PLOD2: variants seen among roughly 807,000 people sequenced by gnomAD.
PLOD2 encodes lysine hydroxylase 2.
Under a neutral mutation model 101.0 loss-of-function variants are expected in PLOD2, and 65 were observed. The ratio of observed to expected loss-of-function variants is 0.64; its 90% CI spans 0.53 to 0.79. The LOEUF (loss-of-function observed/expected upper bound fraction) is 0.79. PLOD2 is among the 30% of genes least tolerant of loss of function. PLOD2 has a pLI of 0.00. For synonymous variants in PLOD2, 314 were observed against 302.9 expected, an observed-to-expected ratio of 1.04 and a Z score of -0.38; for missense variants, 909 against 914.6, an observed-to-expected ratio of 0.99 and a Z score of 0.08.
In PLOD2 at chr3:146,086,816, T is replaced by C; in HGVS notation, c.1098A>G (p.Leu366=). ...TIKIVGPEEN[L]SQAEARNMGM... ...CCATGTTTCTGGCTTCCGCTTGACT[T>C]AGATTTTCTTCTGGTCCTACTATTT... Residue 366 remains leucine (L), a synonymous_variant, in exon 10 of 20, where the codon CTA becomes CTG. Coordinates refer to ENST00000282903, the MANE Select transcript of PLOD2 (RefSeq NM_182943.3). The C allele has an allele frequency of 6.6e-7, 1 of 1,511,806 alleles. No individual in the cohort carries two copies. The highest frequency in any genetic ancestry group is 9.0e-7 in the Non-Finnish European group (1 of 1,112,422). 93.6% of individuals were successfully genotyped at this position (1,511,806 alleles called of 1,614,324 possible). A position where few individuals can be genotyped will look rare whatever the true frequency, so the allele number is the denominator to read the frequency against.
chr3:146,121,356 C>G, intron 2 of PLOD2, 108 bp from the exon 3 acceptor site: 2 of 874,432 alleles, frequency 2.3e-6, no homozygotes, highest in South Asian at 2.7e-5. Context: ...CGTAACCACT[C>G]TTCTAATGTT....
intron 7 of PLOD2, among the ~76,000 whole-genome samples, chr3:146,096,878 G>A (rs1937189289): frequency 1.4e-5 from 1 of 70,756 alleles, no homozygotes; most frequent in Admixed American, 1.2e-4. Flanking sequence ...CCGGGAGGGA[G>A]GTGGGGGGGG....
chr3:146,109,577 T>G (rs775714976), intron 4 of PLOD2, among the ~76,000 whole-genome samples: 1 of 152,224 alleles, frequency 6.6e-6, no homozygotes, highest in African/African-American at 2.4e-5. Context: ...TGTACCCAAT[T>G]TGTTTCTCTA....
At chr3:146,160,701 A>T in intron 1 of PLOD2, 180 bp downstream of exon 1, 1 of 579,778 alleles carries the variant, frequency 1.7e-6, no homozygotes, top group East Asian at 3.0e-5. Flanking sequence ...GTGCCCCTAC[A>T]CTTCCCCAGG....
chr3:146,103,259 A>G (rs997792867), intron 6 of PLOD2, among the ~76,000 whole-genome samples: 18 of 152,182 alleles, frequency 1.2e-4, no homozygotes, highest in Admixed American at 6.5e-5. Flanking sequence ...TATTATGAAG[A>G]TAATAACAAT....
intron 1 of PLOD2, among the ~76,000 whole-genome samples, chr3:146,152,901 C>T (rs1039794978): frequency 5.9e-5 from 9 of 152,056 alleles, no homozygotes; most frequent in South Asian, 2.1e-4. Context: ...TTTGTTTTGC[C>T]CTTGGTTACT....
intron 2 of PLOD2, among the ~76,000 whole-genome samples, chr3:146,122,181 T>G (rs1456224719): frequency 6.6e-6 from 1 of 152,212 alleles, no homozygotes; most frequent in African/African-American, 2.4e-5. Context: ...GCTCCCAGCC[T>G]CAAATGTCCT....
At chr3:146,138,432 T>C (rs1246833603) in intron 1 of PLOD2, among the ~76,000 whole-genome samples, 1 of 151,946 alleles carries the variant, frequency 6.6e-6, no homozygotes, top group Non-Finnish European at 1.5e-5. Context: ...CTTGAATGGG[T>C]TGCTATCTTG....
chr3:146,107,194 T>C (rs1292344654), intron 4 of PLOD2, among the ~76,000 whole-genome samples: 1 of 152,266 alleles, frequency 6.6e-6, no homozygotes, highest in African/African-American at 2.4e-5. Flanking sequence ...TTTCCATTAC[T>C]TTGGCCAGTC....
At chr3:146,151,887 CA>C (rs1208911124) in intron 1 of PLOD2, among the ~76,000 whole-genome samples, 2 of 152,010 alleles carry the variant, frequency 1.3e-5, no homozygotes, top group Non-Finnish European at 2.9e-5. Flanking sequence ...TATTAATTAC[CA>C]AAATTTCACA....
chr3:146,152,108 G>T (rs2032082970), intron 1 of PLOD2, among the ~76,000 whole-genome samples: 1 of 152,078 alleles, frequency 6.6e-6, no homozygotes, highest in Non-Finnish European at 1.5e-5. Flanking sequence ...AATAGTCATG[G>T]GCAACAGCAT....
At chr3:146,157,669 G>C (rs1041293753) in intron 1 of PLOD2, among the ~76,000 whole-genome samples, 3 of 152,138 alleles carry the variant, frequency 2.0e-5, no homozygotes, top group Non-Finnish European at 2.9e-5. Context: ...GATAGAAAAG[G>C]GTAGCTCAAT....
At position 146,081,979 on chromosome 3, in the gene PLOD2, T is replaced by A. The variant is rs1936558358; in HGVS notation, c.1233-116A>T. ...ATGACATATAACACAAGAAAGCTCA[T>A]TCAACAAACCTGTAGTTAATAAAAA... is the stretch of plus-strand genomic sequence containing the variant. On this transcript the variant is annotated intron_variant, in intron 11 of 19. Coordinates refer to ENST00000282903, the MANE Select transcript of PLOD2 (RefSeq NM_182943.3). The A allele has an allele frequency of 1.5e-5, 12 of 782,412 alleles. No individual in the cohort carries two copies. In the South Asian group the frequency reaches 2.6e-4, roughly 17 times the overall value. 48.5% of individuals were successfully genotyped at this position (782,412 alleles called of 1,614,324 possible).
chr3:146,151,088 A>C (rs973023951), intron 1 of PLOD2, among the ~76,000 whole-genome samples: 14 of 152,244 alleles, frequency 9.2e-5, no homozygotes, highest in Admixed American at 7.2e-4. Context: ...TTTAAAACAC[A>C]AAACAACCTT....
intron 1 of PLOD2, among the ~76,000 whole-genome samples, chr3:146,130,141 TA>T (rs1294806577): frequency 3.9e-5 from 6 of 152,194 alleles, no homozygotes; most frequent in African/African-American, 1.4e-4. Flanking sequence ...CCTGTATTTT[TA>T]TTTTCTAATA....
rs762647009 is a variant in PLOD2, at chr3:146,110,326, T to C, written c.461A>G (p.Tyr154Cys). The change falls in exon 4 of 20, where the codon TAT (tyrosine) becomes TGT (cysteine). Residue 154 changes from tyrosine to cysteine, a missense_variant. Physicochemically the swap from Tyr to Cys is radical, Grantham distance 194. Coordinates refer to ENST00000282903, the MANE Select transcript of PLOD2 (RefSeq NM_182943.3). Reference protein sequence around the residue: ...LWPDKRLADKYPVVHIGKRYL... With the variant: ...LWPDKRLADKCPVVHIGKRYL... ...GCGTTTCCCAATGTGCACAACAGGA[T>C]ACTTGTCTGCTAGTCTTTTATCTGG... The C allele has an allele frequency of 1.7e-5, 28 of 1,613,892 alleles. No homozygotes were observed. The highest frequency in any genetic ancestry group is 2.4e-5 in the Non-Finnish European group (28 of 1,179,852).
intron 8 of PLOD2, among the ~76,000 whole-genome samples, chr3:146,090,006 A>C (rs1936921501): frequency 6.6e-6 from 1 of 151,494 alleles, no homozygotes; most frequent in African/African-American, 2.4e-5. Context: ...TATTAACCTA[A>C]GTTCATGTTT....
chr3:146,150,112 C>T (rs975641177), intron 1 of PLOD2, among the ~76,000 whole-genome samples: 1 of 152,172 alleles, frequency 6.6e-6, no homozygotes, highest in African/African-American at 2.4e-5. Context: ...CTATTCCTTT[C>T]TTAAGGCTCA....
chr3:146,148,067 A>G (rs1377092215), intron 1 of PLOD2, among the ~76,000 whole-genome samples: 1 of 151,778 alleles, frequency 6.6e-6, no homozygotes, highest in African/African-American at 2.4e-5. Context: ...CCCTGAAGCT[A>G]CCAGAGTCCT....
Sources: gnomAD v4.1 joint callset for allele counts (sites outside exome capture counted in the v4.1 genomes callset) on GRCh38, gnomAD v4.1.1 for gene constraint, MANE v1.5 for transcripts, NCBI Gene and HGNC (gene_info 2026-07-23, HGNC 2026-07-21) for gene names.